The following TBC1D19 variants were observed in gnomAD, a reference collection of about 807,000 sequenced individuals.
TBC1D19 encodes the protein TBC1 domain family member 19.
A neutral mutation model predicts 89.0 loss-of-function variants in TBC1D19; 60 were observed. The ratio of observed to expected loss-of-function variants is 0.67; its 90% CI spans 0.55 to 0.84. TBC1D19 has a LOEUF of 0.84. Among genes scored for constraint, TBC1D19 ranks in the 40% least tolerant of loss-of-function variants. The pLI, the probability that TBC1D19 is intolerant of heterozygous loss-of-function variation, is 0.00. For synonymous variants in TBC1D19, 189 were observed against 199.7 expected, an observed-to-expected ratio of 0.95 and a Z score of 0.45; for missense variants, 500 against 610.8, an observed-to-expected ratio of 0.82 and a Z score of 1.91.
rs768259104 is a variant in TBC1D19, at chr4:26,666,413, T to G, written c.664+8T>G. 1 of 1,604,814 alleles carries G rather than the reference T, an allele frequency of 6.2e-7. No homozygotes were observed. Among genetic ancestry groups the G allele is most frequent in the South Asian group, 1.1e-5 (1 of 89,864 alleles). ...CTACACAAGTGCCTCCTGGTTAGTA[T>G]TTTTCCAACGGCATATAATTAATGA... On this transcript the variant is annotated splice_region_variant and intron_variant, in intron 9 of 20. Transcript: ENST00000264866.
intron 9 of TBC1D19, among the ~76,000 whole-genome samples, chr4:26,670,122 A>G (rs1712162023): frequency 6.6e-6 from 1 of 151,632 alleles, no homozygotes; most frequent in Non-Finnish European, 1.5e-5. Context: ...TGTTCACTGA[A>G]GCATTGTCTG....
chr4:26,598,636 C>T (rs1321075201), intron 1 of TBC1D19, among the ~76,000 whole-genome samples: 3 of 152,138 alleles, frequency 2.0e-5, no homozygotes, highest in Admixed American at 1.3e-4. Context: ...CCTCGTGATC[C>T]GCCCGCCTCG....
At chr4:26,584,056 G>T, upstream of TBC1D19, 1 of 792,940 alleles carries the variant, frequency 1.3e-6, no homozygotes, top group Non-Finnish European at 2.0e-6. Context: ...CTCGGCAGTT[G>T]CCTGGTAACG....
the TBC1D19 span, among the ~76,000 whole-genome samples, chr4:26,851,321 C>A: frequency 6.8e-6 from 1 of 148,104 alleles, no homozygotes; most frequent in Non-Finnish European, 1.5e-5. Context: ...ATCTATCTAT[C>A]TATCTATCTA....
chr4:26,802,181 CAAA>C, the TBC1D19 span, among the ~76,000 whole-genome samples: 1 of 151,832 alleles, frequency 6.6e-6, no homozygotes, highest in Non-Finnish European at 1.5e-5. Context: ...ACAAACAAAA[CAAA>C]AAACAGGAAA....
the TBC1D19 span, among the ~76,000 whole-genome samples, chr4:26,775,016 A>T: frequency 6.6e-6 from 1 of 152,204 alleles, no homozygotes; most frequent in South Asian, 2.1e-4. Context: ...TGTAAAAATG[A>T]CTTTTCTGTA....
intron 4 of TBC1D19, among the ~76,000 whole-genome samples, chr4:26,632,293 C>T (rs200729535): frequency 1.3e-5 from 2 of 151,904 alleles, no homozygotes; most frequent in East Asian, 3.9e-4. Flanking sequence ...CAAAACTTAA[C>T]TACTAATAGC....
At chr4:26,604,929 T>G (rs1577786549) in intron 1 of TBC1D19, among the ~76,000 whole-genome samples, 1 of 151,934 alleles carries the variant, frequency 6.6e-6, no homozygotes, top group Non-Finnish European at 1.5e-5. Context: ...TGAACATTAG[T>G]GTGCAAATAT....
At chr4:26,816,183 C>G in the TBC1D19 span, among the ~76,000 whole-genome samples, 1 of 152,168 alleles carries the variant, frequency 6.6e-6, no homozygotes, top group Non-Finnish European at 1.5e-5. Context: ...CAAAACTTTA[C>G]CTATAAAAAC....
At chr4:26,817,510 C>T in the TBC1D19 span, among the ~76,000 whole-genome samples, 1 of 152,106 alleles carries the variant, frequency 6.6e-6, no homozygotes, top group Non-Finnish European at 1.5e-5. Flanking sequence ...TTTCCTGCAT[C>T]TGTGAAGCTA....
intron 7 of TBC1D19, among the ~76,000 whole-genome samples, chr4:26,643,041 A>T (rs899824437): frequency 1.1e-4 from 16 of 152,126 alleles, no homozygotes; most frequent in African/African-American, 3.9e-4. Context: ...TAACAAGGAT[A>T]TCCAGGACTT....
chr4:26,717,454 G>A (rs1366804102), intron 13 of TBC1D19, among the ~76,000 whole-genome samples: 4 of 151,812 alleles, frequency 2.6e-5, no homozygotes, highest in Admixed American at 2.6e-4. Context: ...CCTTTATTAG[G>A]CAACCACTTG....
intron 7 of TBC1D19, among the ~76,000 whole-genome samples, chr4:26,645,798 C>T (rs981298091): frequency 5.9e-5 from 9 of 152,200 alleles, no homozygotes; most frequent in Non-Finnish European, 8.8e-5. Flanking sequence ...AGAACTTAAA[C>T]ACATTTACAA....
Position 26,637,410 on chromosome 4 carries a change from T to C in TBC1D19, c.369+125T>C. 3 of 761,344 alleles carry C rather than the reference T, an allele frequency of 3.9e-6. No homozygotes were observed. The South Asian group carries it at 7.2e-5, about 18-fold the overall frequency. 47.2% of individuals were successfully genotyped at this position (761,344 alleles called of 1,614,324 possible). On this transcript the variant is annotated intron_variant, in intron 5 of 20. Coordinates refer to ENST00000264866, the MANE Select transcript of TBC1D19 (RefSeq NM_018317.4). ...TATTTAGAGACAGAGTCTTGCTCTG[T>C]CACCCAGGCTGGAGTGCAGTGGCGC... is the stretch of plus-strand genomic sequence containing the variant.
intron 4 of TBC1D19, among the ~76,000 whole-genome samples, chr4:26,625,831 G>T (rs1339230504): frequency 6.6e-6 from 1 of 151,998 alleles, no homozygotes; most frequent in Non-Finnish European, 1.5e-5. Context: ...ATCATATCAG[G>T]GTACATACTA....
At chr4:26,583,653 T>C (rs926055939), upstream of TBC1D19, among the ~76,000 whole-genome samples, 4 of 152,160 alleles carry the variant, frequency 2.6e-5, no homozygotes, top group African/African-American at 9.7e-5. Context: ...CCTTCACGAT[T>C]TTTACCTCAG....
intron 1 of TBC1D19, among the ~76,000 whole-genome samples, chr4:26,601,939 G>A (rs1041599639): frequency 6.6e-6 from 1 of 152,088 alleles, no homozygotes; most frequent in Non-Finnish European, 1.5e-5. Context: ...TCTATAGGAG[G>A]TACCTCTGTT....
At chr4:26,736,398 G>C (rs1456018210) in intron 16 of TBC1D19, among the ~76,000 whole-genome samples, 3 of 141,980 alleles carry the variant, frequency 2.1e-5, no homozygotes, top group Non-Finnish European at 4.6e-5. Context: ...CTGTTGTGGG[G>C]TTGGGGGAGG....
the TBC1D19 span, among the ~76,000 whole-genome samples, chr4:26,769,512 G>A: frequency 1.3e-5 from 2 of 151,310 alleles, no homozygotes; most frequent in African/African-American, 2.4e-5. Flanking sequence ...ACAACAGCAA[G>A]TAGGATTAGA....
Sources: gnomAD v4.1 joint callset for allele counts (sites outside exome capture counted in the v4.1 genomes callset) on GRCh38, gnomAD v4.1.1 for gene constraint, MANE v1.5 for transcripts, NCBI Gene and HGNC (gene_info 2026-07-23, HGNC 2026-07-21) for gene names.